TNR: variants seen among roughly 807,000 people sequenced by gnomAD.
TNR encodes the protein tenascin R.
Under a neutral mutation model 150.4 loss-of-function variants are expected in TNR, and 45 were observed. The observed-to-expected ratio is 0.30, with a 90% CI of 0.24 to 0.38. TNR has a LOEUF of 0.38. TNR is among the 10% of genes least tolerant of loss of function. The pLI is 1.00. For missense variants in TNR, 1,544 were observed against 1,759.1 expected, an observed-to-expected ratio of 0.88 and a Z score of 2.19; for synonymous variants, 687 against 678.4, an observed-to-expected ratio of 1.01 and a Z score of -0.20.
At chr1:175,610,258 C>T (rs1426554430) in intron 1 of TNR, among the ~76,000 whole-genome samples, 1 of 152,170 alleles carries the variant, frequency 6.6e-6, no homozygotes, top group African/African-American at 2.4e-5. Flanking sequence ...AAATAACCCC[C>T]CTCTTTTGTT....
chr1:175,608,357 C>A (rs1306823437), intron 1 of TNR, among the ~76,000 whole-genome samples: 1 of 152,152 alleles, frequency 6.6e-6, no homozygotes, highest in Non-Finnish European at 1.5e-5. Flanking sequence ...AACTGGATTC[C>A]TTTAAATGCA....
At chr1:175,390,588 G>A (rs1383680964) in intron 7 of TNR, among the ~76,000 whole-genome samples, 1 of 152,170 alleles carries the variant, frequency 6.6e-6, no homozygotes, top group African/African-American at 2.4e-5. Context: ...GACAATTAAT[G>A]AATCAATCCT....
At chr1:175,528,071 C>T (rs966617606) in intron 2 of TNR, among the ~76,000 whole-genome samples, 198 bp downstream of exon 2, 1 of 152,172 alleles carries the variant, frequency 6.6e-6, no homozygotes, top group African/African-American at 2.4e-5. Context: ...CCTTGGTACC[C>T]GGTTTCTCCA....
At chr1:175,659,897 A>ATTTTT (rs34472359) in intron 1 of TNR, among the ~76,000 whole-genome samples, 10 of 111,778 alleles carry the variant, frequency 8.9e-5, no homozygotes, top group African/African-American at 3.4e-4. Flanking sequence ...TTTGGGTGTC[A>ATTTTT]TTTTTTTTTT....
intron 1 of TNR, among the ~76,000 whole-genome samples, chr1:175,715,989 G>C (rs1478123616): frequency 2.0e-5 from 3 of 152,184 alleles, no homozygotes; most frequent in African/African-American, 7.2e-5. Flanking sequence ...ATCAATTTCC[G>C]AGTAGCAGGC....
chr1:175,403,396 G>A lies in TNR; in HGVS notation c.720C>T (p.Ser240=), dbSNP rs1405161620. The A allele has an allele frequency of 6.2e-7, 1 of 1,614,166 alleles. No individual in the cohort carries two copies. Among genetic ancestry groups the A allele is most frequent in the Non-Finnish European group, 8.5e-7 (1 of 1,180,038 alleles). The change falls in exon 4 of 23, where the codon AGC becomes AGT. Residue 240 remains serine (S), a synonymous_variant. Transcript: ENST00000367674. The stretch of plus-strand genomic sequence containing the variant: ...CCCCGTCCACGCAGAGCCCCCGGGA[G>A]CTGCAGTCTGTTGGGCACCGGAGTT... ...CSELRCPTDC[S]SRGLCVDGEC...
intron 1 of TNR, among the ~76,000 whole-genome samples, chr1:175,706,495 A>G (rs1666845065): frequency 6.6e-6 from 1 of 152,160 alleles, no homozygotes; most frequent in African/African-American, 2.4e-5. Flanking sequence ...CCAAGGTCTC[A>G]TCTGGCCACG....
intron 2 of TNR, among the ~76,000 whole-genome samples, chr1:175,409,750 CA>C (rs919111784): frequency 8.6e-5 from 13 of 150,666 alleles, no homozygotes; most frequent in African/African-American, 3.2e-4. Flanking sequence ...TGTGAAGACT[CA>C]GGGGGTACAT....
chr1:175,689,199 G>T (rs12030308), intron 1 of TNR, among the ~76,000 whole-genome samples: 1,574 of 152,272 alleles, frequency 0.01, 24 homozygotes, highest in East Asian at 0.072. Flanking sequence ...TCTGCCTAGG[G>T]CTCTTTGTCC....
rs115395468 is a variant in TNR, at chr1:175,402,767, G to T, written c.976+373C>A. Among the ~76,000 whole-genome samples, 1,069 of 152,184 alleles carry T rather than the reference G, an allele frequency of 7.0e-3. 15 individuals are homozygous for T. Among genetic ancestry groups the T allele is most frequent in the African/African-American group, 0.024 (1,007 of 41,500 alleles). Reference sequence around the variant, plus strand: ...CAATTTTGAGCAGGTGGAACGCTTGGGATCCCTCAGAGTTAGAGAATGGCC... The same window carrying T: ...CAATTTTGAGCAGGTGGAACGCTTGTGATCCCTCAGAGTTAGAGAATGGCC... On this transcript the variant is annotated intron_variant, in intron 4 of 22. Transcript: ENST00000367674.
At chr1:175,384,183 T>C (rs1315287331) in intron 8 of TNR, among the ~76,000 whole-genome samples, 2 of 152,202 alleles carry the variant, frequency 1.3e-5, no homozygotes, top group East Asian at 3.8e-4. Context: ...AACAAAACTA[T>C]CTTGAAATTA....
chr1:175,469,602 T>C (rs1657192762), intron 2 of TNR, among the ~76,000 whole-genome samples: 1 of 151,892 alleles, frequency 6.6e-6, no homozygotes, highest in African/African-American at 2.4e-5. Flanking sequence ...GAGGGTTTTG[T>C]GGCCTCTTGT....
chr1:175,405,720 G>A (rs1456434298), intron 3 of TNR, among the ~76,000 whole-genome samples: 1 of 152,036 alleles, frequency 6.6e-6, no homozygotes, highest in Non-Finnish European at 1.5e-5. Context: ...GATGGGGATA[G>A]GTCCTCTGAG....
chr1:175,393,314 T>C (rs1233614846), intron 6 of TNR, among the ~76,000 whole-genome samples: 1 of 152,352 alleles, frequency 6.6e-6, no homozygotes, highest in South Asian at 2.1e-4. Context: ...GTTTTATGTC[T>C]GTAACCTTTA....
intron 1 of TNR, among the ~76,000 whole-genome samples, chr1:175,685,762 C>A (rs1426037837): frequency 1.3e-5 from 2 of 152,152 alleles, no homozygotes; most frequent in Non-Finnish European, 2.9e-5. Flanking sequence ...TCCCCCCAAA[C>A]ATCTCCCTCT....
chr1:175,572,474 T>G (rs1661914978), intron 1 of TNR, among the ~76,000 whole-genome samples: 1 of 152,152 alleles, frequency 6.6e-6, no homozygotes, highest in Non-Finnish European at 1.5e-5. Flanking sequence ...CCTCTTGATA[T>G]TCCTCTTGAT....
intron 1 of TNR, among the ~76,000 whole-genome samples, chr1:175,632,070 A>T (rs1664345621): frequency 6.6e-6 from 1 of 152,214 alleles, no homozygotes; most frequent in Non-Finnish European, 1.5e-5. Context: ...GCACTGGGAG[A>T]AGGAACCTTA....
chr1:175,655,519 C>A (rs1193543077), intron 1 of TNR, among the ~76,000 whole-genome samples: 1 of 152,242 alleles, frequency 6.6e-6, no homozygotes, highest in Non-Finnish European at 1.5e-5. Flanking sequence ...TCACTCCATT[C>A]TCTTTCCACC....
intron 2 of TNR, among the ~76,000 whole-genome samples, chr1:175,515,836 T>C (rs952915094): frequency 6.6e-6 from 1 of 152,188 alleles, no homozygotes; most frequent in Non-Finnish European, 1.5e-5. Flanking sequence ...AAGGAAAGAC[T>C]CACCTTAGGA....
Sources: gnomAD v4.1 joint callset for allele counts (sites outside exome capture counted in the v4.1 genomes callset) on GRCh38, gnomAD v4.1.1 for gene constraint, MANE v1.5 for transcripts, NCBI Gene and HGNC (gene_info 2026-07-23, HGNC 2026-07-21) for gene names.